TMEM91: variants seen among roughly 807,000 people sequenced by gnomAD.
TMEM91 encodes dispanin subfamily C member 3.
TMEM91 carries 6 observed loss-of-function variants against 13.3 expected under a neutral mutation model. That is an observed-to-expected ratio of 0.45 (90% CI 0.25 to 0.89). The LOEUF (loss-of-function observed/expected upper bound fraction) is 0.89. Ranked by LOEUF, TMEM91 falls within the 40% of genes least tolerant of loss-of-function variation. The pLI, the probability that TMEM91 is intolerant of heterozygous loss-of-function variation, is 0.19. For synonymous variants in TMEM91, 87 were observed against 101.7 expected (o/e 0.86, Z 0.87); for missense variants, 193 against 228.7 (o/e 0.84, Z 1.01).
In TMEM91 at chr19:41,383,916, C is replaced by G. The variant is rs1182779762; in HGVS notation, c.*43C>G. On this transcript the variant is annotated 3_prime_UTR_variant, in exon 4 of 4. Transcript: ENST00000392002. ...ACTGTGAACCCTGAGGCCGGCAGCC[C>G]AGCAAATCTGTGGGCAGAGAGTGGA... The G allele has an allele frequency of 6.3e-7, 1 of 1,577,668 alleles. No individual in the cohort carries two copies. The highest frequency in any genetic ancestry group is 8.6e-7 in the Non-Finnish European group (1 of 1,166,580).
chr19:41,366,252 G>T (rs1165625370), intron 1 of TMEM91, among the ~76,000 whole-genome samples: 2 of 151,678 alleles, frequency 1.3e-5, no homozygotes, highest in Non-Finnish European at 2.9e-5. Context: ...AGCTCTTGGG[G>T]CCCCTGGTCC....
intron 1 of TMEM91, among the ~76,000 whole-genome samples, chr19:41,368,549 A>G (rs2038565601): frequency 6.6e-6 from 1 of 151,622 alleles, no homozygotes; most frequent in Non-Finnish European, 1.5e-5. Flanking sequence ...AGCTGGGATT[A>G]CAGGCATGTG....
chr19:41,375,556 G>T (rs1292241806), upstream of TMEM91, among the ~76,000 whole-genome samples: 1 of 150,658 alleles, frequency 6.6e-6, no homozygotes, highest in Non-Finnish European at 1.5e-5. Flanking sequence ...GGGATTACAG[G>T]CGTGAGCCAC....
At chr19:41,370,480 C>T (rs933641465) in intron 1 of TMEM91, among the ~76,000 whole-genome samples, 4 of 151,902 alleles carry the variant, frequency 2.6e-5, no homozygotes, top group South Asian at 2.1e-4. Flanking sequence ...CGTGTCAGCT[C>T]ACTGCAACCT....
upstream of TMEM91, among the ~76,000 whole-genome samples, chr19:41,373,321 C>T (rs1302380567): frequency 1.3e-5 from 2 of 151,960 alleles, no homozygotes; most frequent in African/African-American, 4.8e-5. Context: ...TAACGGCAGC[C>T]AGAGAGCTCT....
chr19:41,374,585 A>G (rs1299056169), upstream of TMEM91, among the ~76,000 whole-genome samples: 1 of 152,214 alleles, frequency 6.6e-6, no homozygotes, highest in Admixed American at 6.5e-5. Flanking sequence ...TACATATGTT[A>G]TCACATAAGA....
chr19:41,377,719 C>T (rs1259021575), intron 1 of TMEM91, among the ~76,000 whole-genome samples: 1 of 151,842 alleles, frequency 6.6e-6, no homozygotes, highest in Non-Finnish European at 1.5e-5. Flanking sequence ...GAGAGAAATG[C>T]CCAGAATTTG....
intron 1 of TMEM91, among the ~76,000 whole-genome samples, chr19:41,368,728 T>C (rs1239620800): frequency 2.6e-5 from 4 of 151,738 alleles, no homozygotes; most frequent in African/African-American, 4.8e-5. Context: ...TTTTAAAATA[T>C]ATCCACAAAT....
Position 41,382,761 on chromosome 19 carries a change from C to A in TMEM91, c.211-11C>A. Reference sequence around the variant, plus strand: ...ATGGAGATGCCCACCTGGGCACTTTCCTGTCCGTAGGACATGTCATCCAGT... The same window carrying A: ...ATGGAGATGCCCACCTGGGCACTTTACTGTCCGTAGGACATGTCATCCAGT... On this transcript the variant is annotated splice_polypyrimidine_tract_variant and intron_variant, in intron 2 of 3. Coordinates refer to ENST00000392002, the MANE Select transcript of TMEM91 (RefSeq NM_001098821.2). The A allele has an allele frequency of 1.2e-6, 2 of 1,611,784 alleles. No homozygotes were observed. Among genetic ancestry groups the A allele is most frequent in the South Asian group, 1.1e-5 (1 of 90,768 alleles).
At chr19:41,370,883 A>G (rs1360508849) in intron 1 of TMEM91, among the ~76,000 whole-genome samples, 1 of 148,698 alleles carries the variant, frequency 6.7e-6, no homozygotes, top group Non-Finnish European at 1.5e-5. Context: ...TTGTATTTTT[A>G]GTAGAGACAG....
chr19:41,370,611 TG>T (rs2038600228), intron 1 of TMEM91, among the ~76,000 whole-genome samples: 1 of 151,986 alleles, frequency 6.6e-6, no homozygotes, highest in East Asian at 1.9e-4. Context: ...TTCACCATAT[TG>T]GCCACGCTGG....
intron 2 of TMEM91, among the ~76,000 whole-genome samples, chr19:41,381,098 AAAAG>A (rs1219505185): frequency 1.3e-5 from 2 of 150,116 alleles, no homozygotes; most frequent in African/African-American, 5.0e-5. Context: ...AAAAAAAAAA[AAAAG>A]CTTAAAAATC....
intron 1 of TMEM91, among the ~76,000 whole-genome samples, chr19:41,367,120 G>A (rs769367169): frequency 2.0e-5 from 3 of 151,932 alleles, no homozygotes; most frequent in Non-Finnish European, 2.9e-5. Context: ...CAGCCTGGGC[G>A]ACAGAGCCAG....
chr19:41,370,988 CT>C (rs1260237851), intron 1 of TMEM91, among the ~76,000 whole-genome samples: 1 of 151,564 alleles, frequency 6.6e-6, no homozygotes, highest in African/African-American at 2.4e-5. Flanking sequence ...CAGGCGTGAG[CT>C]ACCGTGTCTG....
rs1038510436 is a variant in TMEM91 at position 41,370,552 on chromosome 19, G to A, written c.-30+6457G>A. Among the ~76,000 whole-genome samples, 25 of 151,642 alleles carry A rather than the reference G, an allele frequency of 1.6e-4. No individual in the cohort carries two copies. The East Asian group carries it at 3.9e-3, about 24-fold the overall frequency. On this transcript the variant is annotated intron_variant, in intron 1 of 3. Transcript: ENST00000413014. ...CTCCTGAGCAGCTGGGACTACAGGC[G>A]TGTGCCACCTTGTCCAGCTAATTTT...
rs59557851 is a variant in TMEM91, at chr19:41,377,528, G to T, written c.-30+674G>T. Among the ~76,000 whole-genome samples, 880 of 151,876 alleles carry T rather than the reference G, an allele frequency of 5.8e-3. 11 individuals are homozygous for T. The highest frequency in any genetic ancestry group is 0.02 in the African/African-American group (833 of 41,368). On this transcript the variant is annotated intron_variant, in intron 1 of 3. Coordinates refer to ENST00000392002, the MANE Select transcript of TMEM91 (RefSeq NM_001098821.2). ...CTAGAGTGCAGTTCCAGGCAGCACT[G>T]GGGGTAGGGGATGGGTGTGTGTGTG...
intron 2 of TMEM91, among the ~76,000 whole-genome samples, chr19:41,382,199 A>G (rs1009869455): frequency 6.6e-6 from 1 of 152,132 alleles, no homozygotes; most frequent in African/African-American, 2.4e-5. Flanking sequence ...GATTGTAAGC[A>G]ATTGTAGCGT....
At chr19:41,383,526 T>C in intron 3 of TMEM91, 189 bp from the exon 4 acceptor site, 1 of 1,508,664 alleles carries the variant, frequency 6.6e-7, no homozygotes, top group Non-Finnish European at 8.9e-7. Context: ...TTATTATTAT[T>C]TTTTACCATT....
At chr19:41,367,612 C>T (rs376092326) in intron 1 of TMEM91, among the ~76,000 whole-genome samples, 5 of 152,154 alleles carry the variant, frequency 3.3e-5, no homozygotes, top group African/African-American at 9.7e-5. Flanking sequence ...TCCTGGGGGA[C>T]AAGAGTGAGA....
Sources: allele counts gnomAD v4.1 joint callset (sites outside exome capture counted in the v4.1 genomes callset), GRCh38; gene constraint gnomAD v4.1.1; transcripts MANE v1.5; gene names NCBI Gene and HGNC (gene_info 2026-07-23, HGNC 2026-07-21).